MEF2B: variants seen among roughly 807,000 people sequenced by gnomAD.
MEF2B encodes myocyte-specific enhancer factor 2B.
Under a neutral mutation model 32.2 loss-of-function variants are expected in MEF2B, and 15 were observed. The observed-to-expected ratio is 0.47, with a 90% CI of 0.31 to 0.72. The LOEUF is 0.72. MEF2B is among the 30% of genes least tolerant of loss of function. The pLI is 0.05. For synonymous variants in MEF2B, 205 were observed against 225.6 expected (o/e 0.91, Z 0.82); for missense variants, 441 against 511.5 (o/e 0.86, Z 1.33).
intron 1 of MEF2B, among the ~76,000 whole-genome samples, chr19:19,152,652 C>T (rs187355284): frequency 8.5e-5 from 13 of 152,142 alleles, no homozygotes; most frequent in African/African-American, 2.9e-4. Context: ...TGCAGTGAGC[C>T]GAGATCCCGA....
chr19:19,158,543 A>G (rs2060136695), intron 1 of MEF2B, among the ~76,000 whole-genome samples: 1 of 147,448 alleles, frequency 6.8e-6, no homozygotes, highest in African/African-American at 2.5e-5. Context: ...GGATCACTTG[A>G]GCCCAGGAGT....
chr19:19,146,512 G>A, intron 7 of MEF2B, 43 bp downstream of exon 7: 1 of 1,488,050 alleles, frequency 6.7e-7, no homozygotes, highest in South Asian at 1.3e-5. Context: ...GGGCAGGAGT[G>A]CGGACGCTTC....
intron 8 of MEF2B, 112 bp from the exon 9 acceptor site, chr19:19,146,134 G>T: frequency 1.0e-6 from 1 of 1,003,616 alleles, no homozygotes; most frequent in Non-Finnish European, 1.4e-6. Context: ...GAAAGGAGGG[G>T]GTGGCGGTCC....
intron 1 of MEF2B, chr19:19,157,344 C>T (rs755227159): frequency 6.6e-6 from 1 of 152,662 alleles, no homozygotes; most frequent in Admixed American, 6.5e-5. Context: ...AAACTGGAAT[C>T]AACCTGGAAG....
At chr19:19,160,423 G>A (rs1037483660) in intron 1 of MEF2B, among the ~76,000 whole-genome samples, 10 of 152,062 alleles carry the variant, frequency 6.6e-5, no homozygotes, top group African/African-American at 2.4e-4. Flanking sequence ...ATGGGTCACA[G>A]GATCCTAACC....
chr19:19,168,119 G>A (rs2060223920), intron 1 of MEF2B, among the ~76,000 whole-genome samples: 2 of 152,180 alleles, frequency 1.3e-5, no homozygotes, highest in Admixed American at 6.5e-5. Context: ...CTCCGAAGTC[G>A]AAATACTTTT....
At chr19:19,168,040 A>T (rs182621676) in intron 1 of MEF2B, among the ~76,000 whole-genome samples, 1 of 152,316 alleles carries the variant, frequency 6.6e-6, no homozygotes, top group Admixed American at 6.5e-5. Context: ...GGAAGGGGAC[A>T]TGAGGGAACA....
At chr19:19,161,585 A>G (rs1050835453) in intron 1 of MEF2B, among the ~76,000 whole-genome samples, 3 of 151,954 alleles carry the variant, frequency 2.0e-5, no homozygotes, top group African/African-American at 4.8e-5. Flanking sequence ...ACACATGCCA[A>G]TCCCCCAAAT....
At chr19:19,150,114 TGGAAGGAGGGATGGAA>T (rs1199758616) in intron 2 of MEF2B, among the ~76,000 whole-genome samples, 1 of 51,848 alleles carries the variant, frequency 1.9e-5, no homozygotes, top group Non-Finnish European at 3.6e-5. Flanking sequence ...AAAGGAAGGA[TGGAAGGAGGGATGGAA>T]GGAAGGAGGG....
intron 1 of MEF2B, among the ~76,000 whole-genome samples, chr19:19,162,729 A>C: frequency 6.6e-6 from 1 of 151,950 alleles, no homozygotes; most frequent in East Asian, 1.9e-4. Context: ...CCTCTGTGGG[A>C]CGCCCCCTCT....
intron 1 of MEF2B, 66 bp from the exon 2 acceptor site, chr19:19,150,830 A>T: frequency 6.4e-7 from 1 of 1,569,434 alleles, no homozygotes; most frequent in South Asian, 1.1e-5. Flanking sequence ...CCCCAGCCTC[A>T]CACCTCTCCT....
At chr19:19,170,048 A>T (rs2146392692) in intron 1 of MEF2B, among the ~76,000 whole-genome samples, 157 bp downstream of exon 1, 1 of 151,930 alleles carries the variant, frequency 6.6e-6, no homozygotes, top group Admixed American at 6.6e-5. Context: ...CCCTCCTGCC[A>T]CAACCTCGGG....
chr19:19,166,406 C>T (rs374341584), intron 1 of MEF2B, among the ~76,000 whole-genome samples: 2 of 152,080 alleles, frequency 1.3e-5, no homozygotes, highest in East Asian at 1.9e-4. Context: ...AATCATGGGC[C>T]AGGGCTGGGG....
intron 1 of MEF2B, among the ~76,000 whole-genome samples, chr19:19,165,654 A>G (rs1330181987): frequency 6.6e-6 from 1 of 152,094 alleles, no homozygotes; most frequent in Admixed American, 6.6e-5. Context: ...GAGCCATGGA[A>G]GGTGTGTGAG....
intron 3 of MEF2B, among the ~76,000 whole-genome samples, chr19:19,148,680 C>CTTGT (rs1231122063): frequency 2.1e-5 from 3 of 142,160 alleles, no homozygotes; most frequent in Non-Finnish European, 4.6e-5. Flanking sequence ...ACTCCTCTGT[C>CTTGT]TTATTTATTT....
rs190613957 is a variant in MEF2B at position 19,149,188 on chromosome 19, C to T, written c.258+38G>A. On this transcript the variant is annotated intron_variant, in intron 3 of 8. Coordinates refer to ENST00000424583, the MANE Select transcript of MEF2B (RefSeq NM_001145785.2). ...CTGGGCTCTGAGAAAGCAGCGTGCACGGGGCCTTGTGGGGCTGGGGAGGAG... is the reference window on the plus strand; with the variant it reads ...CTGGGCTCTGAGAAAGCAGCGTGCATGGGGCCTTGTGGGGCTGGGGAGGAG... The T allele has an allele frequency of 1.7e-4, 266 of 1,608,654 alleles. 1 individual carries two copies. In the African/African-American group the frequency reaches 2.1e-3, roughly 13 times the overall value.
intron 1 of MEF2B, among the ~76,000 whole-genome samples, chr19:19,152,380 C>CAAAAAA (rs749560348): frequency 0.037 from 4,211 of 113,200 alleles, 352 homozygotes; most frequent in African/African-American, 0.12. Context: ...GACTCTGTCT[C>CAAAAAA]AAAAAAAAAA....
At chr19:19,148,866 C>T (rs1599720447) in intron 3 of MEF2B, among the ~76,000 whole-genome samples, 1 of 151,914 alleles carries the variant, frequency 6.6e-6, no homozygotes, top group Non-Finnish European at 1.5e-5. Flanking sequence ...CATGAGCCAC[C>T]ACACCTGGCT....
intron 1 of MEF2B, among the ~76,000 whole-genome samples, chr19:19,167,142 G>A (rs2060215140): frequency 1.3e-5 from 2 of 152,116 alleles, no homozygotes; most frequent in South Asian, 4.1e-4. Flanking sequence ...CCTGTGATCA[G>A]GAGTTTGAGA....
Sources: allele counts gnomAD v4.1 joint callset (sites outside exome capture counted in the v4.1 genomes callset), GRCh38; gene constraint gnomAD v4.1.1; transcripts MANE v1.5; gene names NCBI Gene and HGNC (gene_info 2026-07-23, HGNC 2026-07-21).